Variants in DHRSX observed in about 807,000 individuals in gnomAD.
The protein encoded by DHRSX is dehydrogenase/reductase X-linked.
In DHRSX, 31 loss-of-function variants were observed where a neutral mutation model predicts 34.0. That is an observed-to-expected ratio of 0.91 (90% confidence interval 0.69 to 1.23). The LOEUF (loss-of-function observed/expected upper bound fraction) is 1.23, where lower values mean the gene tolerates loss of function less well. Among genes scored for constraint, DHRSX ranks in the 50% most tolerant of loss-of-function variants. The pLI is 0.00. For synonymous variants in DHRSX, 201 were observed against 183.8 expected, an observed-to-expected ratio of 1.09 and a Z score of -0.76; for missense variants, 414 against 428.1, an observed-to-expected ratio of 0.97 and a Z score of 0.29.
Position 2,259,256 on chromosome X carries a change from G to C in DHRSX, c.596+7484C>G, listed in dbSNP as rs920774829. Among the ~76,000 whole-genome samples the C allele has an allele frequency of 2.0e-5, 3 of 150,058 alleles. No individual in the cohort carries two copies. In the East Asian group the frequency reaches 5.9e-4, roughly 29 times the overall value. On this transcript the variant is annotated intron_variant, in intron 5 of 6. Transcript: ENST00000334651. Reference sequence around the variant, plus strand: ...CCACTGCATTGCAGCCTGGGCGACAGAGCAAGACTCTGTCTCAAAAAAAAA... The same window carrying C: ...CCACTGCATTGCAGCCTGGGCGACACAGCAAGACTCTGTCTCAAAAAAAAA...
chrX:2,421,961 A>T (rs2043785921), intron 2 of DHRSX, among the ~76,000 whole-genome samples: 1 of 152,182 alleles, frequency 6.6e-6, no homozygotes, highest in Non-Finnish European at 1.5e-5. Context: ...TCCAATGAGC[A>T]CCAACAGATG....
intron 1 of DHRSX, among the ~76,000 whole-genome samples, chrX:2,448,565 G>A (rs1375729103): frequency 4.0e-5 from 6 of 150,258 alleles, no homozygotes; most frequent in Non-Finnish European, 8.9e-5. Context: ...TAGCTTGATT[G>A]TTAATGTGTT....
chrX:2,349,062 C>A (rs2042754505), intron 3 of DHRSX, among the ~76,000 whole-genome samples: 1 of 151,926 alleles, frequency 6.6e-6, no homozygotes, highest in South Asian at 2.1e-4. Flanking sequence ...CTGTTTCCTG[C>A]AGAAATGGGT....
At chrX:2,284,331 A>C (rs1466202803) in intron 4 of DHRSX, among the ~76,000 whole-genome samples, 2 of 150,912 alleles carry the variant, frequency 1.3e-5, no homozygotes, top group African/African-American at 2.4e-5. Flanking sequence ...CATTCCTCTG[A>C]ATTCATTCAT....
intron 3 of DHRSX, among the ~76,000 whole-genome samples, chrX:2,360,032 T>C (rs1321751338): frequency 6.6e-6 from 1 of 152,094 alleles, no homozygotes. Flanking sequence ...AGTTTACCTA[T>C]GTAACAAACC....
chrX:2,465,809 C>CAAAAAAAAAAAAAAAAAAAAAAAAGA (rs375728172), intron 1 of DHRSX, among the ~76,000 whole-genome samples: 1 of 84,738 alleles, frequency 1.2e-5, no homozygotes, highest in Non-Finnish European at 2.5e-5. Context: ...AACTCCATCG[C>CAAAAAAAAAAAAAAAAAAAAAAAAGA]AAAAAAAAAA....
At chrX:2,258,492 A>G (rs1487805948) in intron 5 of DHRSX, among the ~76,000 whole-genome samples, 1 of 152,114 alleles carries the variant, frequency 6.6e-6, no homozygotes, top group Non-Finnish European at 1.5e-5. Context: ...GGAGGAGATG[A>G]GGACACAGAC....
At chrX:2,445,088 T>C (rs2044112891) in intron 1 of DHRSX, among the ~76,000 whole-genome samples, 1 of 151,772 alleles carries the variant, frequency 6.6e-6, no homozygotes, top group Non-Finnish European at 1.5e-5. Flanking sequence ...ACCCAGGAGG[T>C]AGAGGTTACA....
intron 4 of DHRSX, among the ~76,000 whole-genome samples, chrX:2,270,275 A>G (rs2041532196): frequency 6.6e-6 from 1 of 152,136 alleles, no homozygotes; most frequent in Non-Finnish European, 1.5e-5. Context: ...TCGCCGGCTC[A>G]GCATTCCCAA....
chrX:2,424,995 C>A (rs192598532), intron 2 of DHRSX, among the ~76,000 whole-genome samples: 6 of 152,024 alleles, frequency 3.9e-5, no homozygotes, highest in Non-Finnish European at 7.4e-5. Flanking sequence ...CAAAAATTAT[C>A]CAGGCGTGGT....
chrX:2,231,592 T>TC (rs371611714), intron 6 of DHRSX, among the ~76,000 whole-genome samples: 2 of 61,080 alleles, frequency 3.3e-5, no homozygotes, highest in East Asian at 7.5e-4. Flanking sequence ...CGTATCCTCC[T>TC]TTTTCTTTTT....
At chrX:2,385,138 A>ATG (rs754252702) in intron 3 of DHRSX, among the ~76,000 whole-genome samples, 46,984 of 125,360 alleles carry the variant, frequency 0.37, 7,948 homozygotes, top group Admixed American at 0.49. Flanking sequence ...GTGTGTGTGT[A>ATG]TGTGTATATA....
At position 2,301,582 on chromosome X, in the gene DHRSX, C is replaced by T. The variant is rs893475063; in HGVS notation, c.287-9979G>A. Among the ~76,000 whole-genome samples, 18 of 152,284 alleles carry T rather than the reference C, an allele frequency of 1.2e-4. No individual in the cohort carries two copies. In the South Asian group the frequency reaches 3.7e-3, roughly 32 times the overall value. On this transcript the variant is annotated intron_variant, in intron 3 of 6. Transcript: ENST00000334651. ...ACATGCCATCCTGCAGCATTCTGGT[C>T]TTTGTATGATCACGGCTGGTTGCGC...
intron 3 of DHRSX, among the ~76,000 whole-genome samples, chrX:2,304,282 T>G (rs2042072013): frequency 8.4e-6 from 1 of 119,242 alleles, no homozygotes; most frequent in African/African-American, 3.4e-5. Context: ...GATGGATGGG[T>G]GGGTGGGTGG....
intron 3 of DHRSX, among the ~76,000 whole-genome samples, chrX:2,302,056 GAGAC>G: frequency 6.6e-6 from 1 of 152,148 alleles, no homozygotes; most frequent in Admixed American, 6.5e-5. Flanking sequence ...ACCTGAGGTT[GAGAC>G]ACAGTGATTA....
At chrX:2,467,019 C>A (rs1033952009) in intron 1 of DHRSX, among the ~76,000 whole-genome samples, 2 of 149,858 alleles carry the variant, frequency 1.3e-5, no homozygotes, top group African/African-American at 4.9e-5. Flanking sequence ...GAGCCGAGAT[C>A]GCGCCATTGC....
At chrX:2,481,075 A>G (rs2124051216) in intron 1 of DHRSX, among the ~76,000 whole-genome samples, 1 of 152,234 alleles carries the variant, frequency 6.6e-6, no homozygotes, top group African/African-American at 2.4e-5. Flanking sequence ...AATTAGCTTG[A>G]TTATTGATAT....
chrX:2,389,985 C>A (rs7878673), intron 3 of DHRSX, among the ~76,000 whole-genome samples: 10,834 of 151,762 alleles, frequency 0.071, 1,286 homozygotes, highest in African/African-American at 0.25. Flanking sequence ...TTCGCCATGT[C>A]GGCCACGGTG....
At chrX:2,459,556 A>G (rs1397001672) in intron 1 of DHRSX, among the ~76,000 whole-genome samples, 19 of 31,572 alleles carry the variant, frequency 6.0e-4, no homozygotes, top group African/African-American at 2.7e-3. Flanking sequence ...GTGTGTATAT[A>G]TATATATATA....
Sources: gnomAD v4.1 joint callset for allele counts (sites outside exome capture counted in the v4.1 genomes callset) on GRCh38, gnomAD v4.1.1 for gene constraint, MANE v1.5 for transcripts, NCBI Gene and HGNC (gene_info 2026-07-23, HGNC 2026-07-21) for gene names.